The following KCNS3 variants were observed in gnomAD, a reference collection of about 807,000 sequenced individuals.
KCNS3 encodes potassium voltage-gated channel modifier subfamily S member 3.
Under a neutral mutation model 31.0 loss-of-function variants are expected in KCNS3, and 13 were observed. The ratio of observed to expected loss-of-function variants is 0.42; its 90% CI spans 0.27 to 0.67. The LOEUF is 0.67. Among genes scored for constraint, KCNS3 ranks in the 30% least tolerant of loss-of-function variants. The pLI, the probability that KCNS3 is intolerant of heterozygous loss-of-function variation, is 0.25. For missense variants in KCNS3, 545 were observed against 622.4 expected (o/e 0.88, Z 1.32); for synonymous variants, 238 against 241.5 (o/e 0.99, Z 0.13).
intron 1 of KCNS3, among the ~76,000 whole-genome samples, chr2:17,880,089 A>T: frequency 6.6e-6 from 1 of 151,996 alleles, no homozygotes; most frequent in South Asian, 2.1e-4. Flanking sequence ...TGTGTAAGTC[A>T]CTCCTAGTTG....
intron 1 of KCNS3, among the ~76,000 whole-genome samples, chr2:17,885,925 A>T (rs1250440741): frequency 6.6e-6 from 1 of 152,234 alleles, no homozygotes; most frequent in Admixed American, 6.5e-5. Context: ...CTGATGGGGC[A>T]TTAAAGAAGG....
At chr2:17,914,705 C>T (rs1662549595) in intron 1 of KCNS3, among the ~76,000 whole-genome samples, 1 of 152,226 alleles carries the variant, frequency 6.6e-6, no homozygotes, top group Admixed American at 6.5e-5. Flanking sequence ...CTGTCCCTAA[C>T]TGGAGGCTTT....
At chr2:17,929,302 A>G (rs992946384) in intron 2 of KCNS3, among the ~76,000 whole-genome samples, 1 of 152,228 alleles carries the variant, frequency 6.6e-6, no homozygotes, top group Non-Finnish European at 1.5e-5. Flanking sequence ...CAGGCTGTAC[A>G]GGAGGCATGG....
intron 1 of KCNS3, among the ~76,000 whole-genome samples, chr2:17,912,050 C>G (rs1206888538): frequency 6.6e-6 from 1 of 152,158 alleles, no homozygotes; most frequent in African/African-American, 2.4e-5. Flanking sequence ...ATGGCTACCC[C>G]CAGTCTATTT....
intron 1 of KCNS3, among the ~76,000 whole-genome samples, chr2:17,907,414 A>G (rs1259274486): frequency 6.6e-6 from 1 of 152,112 alleles, no homozygotes; most frequent in African/African-American, 2.4e-5. Context: ...TCTTTGTCCA[A>G]TTTGCCAGTC....
At chr2:17,900,867 T>TAATAAC (rs1275049798) in intron 1 of KCNS3, among the ~76,000 whole-genome samples, 1 of 152,230 alleles carries the variant, frequency 6.6e-6, no homozygotes, top group Non-Finnish European at 1.5e-5. Context: ...GGAATAATAA[T>TAATAAC]AATAACAATT....
chr2:17,887,737 A>G (rs1661712792), intron 1 of KCNS3, among the ~76,000 whole-genome samples: 1 of 152,138 alleles, frequency 6.6e-6, no homozygotes, highest in South Asian at 2.1e-4. Context: ...TTAGTTCTTT[A>G]AGGAATCTCC....
chr2:17,925,247 A>G (rs1446502643), intron 2 of KCNS3, among the ~76,000 whole-genome samples: 1 of 152,180 alleles, frequency 6.6e-6, no homozygotes, highest in Non-Finnish European at 1.5e-5. Context: ...AATTCAGGAA[A>G]AGCTTACCAG....
chr2:17,881,867 G>A (rs914285629), intron 1 of KCNS3, among the ~76,000 whole-genome samples: 1 of 152,184 alleles, frequency 6.6e-6, no homozygotes, highest in Non-Finnish European at 1.5e-5. Flanking sequence ...GACTGCGTTA[G>A]CAAAATATTA....
chr2:17,901,550 T>C (rs1662173685), intron 1 of KCNS3, among the ~76,000 whole-genome samples: 1 of 152,138 alleles, frequency 6.6e-6, no homozygotes, highest in South Asian at 2.1e-4. Flanking sequence ...AGGACACATC[T>C]GGTAGGCAGC....
intron 1 of KCNS3, among the ~76,000 whole-genome samples, chr2:17,907,221 CT>C (rs1256261020): frequency 6.6e-6 from 1 of 152,192 alleles, no homozygotes; most frequent in Non-Finnish European, 1.5e-5. Flanking sequence ...TAATGGCCTT[CT>C]TTGTCTCTTT....
At position 17,931,940 on chromosome 2, in the gene KCNS3, G is replaced by A. The variant is rs749686704; in HGVS notation, c.932G>A (p.Arg311Gln). Residue 311 changes from arginine to glutamine, a missense_variant, in exon 3 of 3, where the codon CGG becomes CAG. By Grantham distance (43) the Arg-to-Gln change is conservative. Coordinates refer to ENST00000304101, the MANE Select transcript of KCNS3 (RefSeq NM_002252.5). The surrounding 1 kb of genome is among the most constrained non-coding windows in gnomAD (Gnocchi z 5.4). The stretch of plus-strand genomic sequence containing the variant: ...CTTGCCCGGCACTCGGTAGGACTTC[G>A]GTCTCTAGGTGCCACACTGAGACAC... ...LKLARHSVGL[R>Q]SLGATLRHSY... 2.0e-5 allele frequency: 32 copies of A among 1,613,898 alleles called. No individual in the cohort carries two copies. Among genetic ancestry groups the A allele is most frequent in the Admixed American group, 5.0e-5 (3 of 59,986 alleles).
intron 1 of KCNS3, among the ~76,000 whole-genome samples, chr2:17,895,916 G>A (rs1279784363): frequency 6.6e-6 from 1 of 152,130 alleles, no homozygotes; most frequent in African/African-American, 2.4e-5. Flanking sequence ...GAGGTATGAG[G>A]TATATTGGTG....
At chr2:17,904,765 G>A (rs1342625898) in intron 1 of KCNS3, among the ~76,000 whole-genome samples, 5 of 152,172 alleles carry the variant, frequency 3.3e-5, no homozygotes, top group Non-Finnish European at 7.3e-5. Flanking sequence ...AGATCAGATG[G>A]TCGTAGATGT....
upstream of KCNS3, chr2:17,878,553 G>A (rs1448465244): frequency 6.7e-6 from 1 of 150,296 alleles, no homozygotes; most frequent in East Asian, 2.0e-4. Flanking sequence ...AGGGGCTGGC[G>A]GAGCTGCGAC....
At chr2:17,929,694 T>C (rs573049058) in intron 2 of KCNS3, among the ~76,000 whole-genome samples, 1 of 152,346 alleles carries the variant, frequency 6.6e-6, no homozygotes, top group Admixed American at 6.5e-5. Context: ...ATCCCAAAGA[T>C]GCTTGACTGA....
intron 2 of KCNS3, among the ~76,000 whole-genome samples, chr2:17,923,081 C>A (rs1662757025): frequency 6.6e-6 from 1 of 152,122 alleles, no homozygotes; most frequent in South Asian, 2.1e-4. Flanking sequence ...ACAAGGGTTC[C>A]ACTTTCTCCA....
At position 17,931,601 on chromosome 2, in the gene KCNS3, C is replaced by CCGG. The variant is rs756539332; in HGVS notation, c.594_595insGGC (p.Ser198_Ile199insGly). On this transcript the variant is annotated inframe_insertion, in exon 3 of 3. Transcript: ENST00000304101. This position sits in a 1 kb window ranked among gnomAD's most constrained non-coding sequence, Gnocchi z 5.4. ...TCCTCCTTGAGCGTGGTGCTGGCCT[C>CCGG]CATCGTGGCCATGTGCGTTCACAGC... The CCGG allele has an allele frequency of 6.2e-7, 1 of 1,614,192 alleles. No homozygotes were observed. Among genetic ancestry groups the CCGG allele is most frequent in the Non-Finnish European group, 8.5e-7 (1 of 1,180,032 alleles).
At chr2:17,908,089 A>G (rs938408442) in intron 1 of KCNS3, among the ~76,000 whole-genome samples, 16 of 152,178 alleles carry the variant, frequency 1.1e-4, no homozygotes, top group African/African-American at 3.6e-4. Context: ...CGTCACTTTT[A>G]GGTACACCAA....
Sources: gnomAD v4.1 joint callset for allele counts (sites outside exome capture counted in the v4.1 genomes callset) on GRCh38, gnomAD v4.1.1 for gene constraint, Gnocchi (gnomAD v3.1) non-coding constraint, MANE v1.5 for transcripts, NCBI Gene and HGNC (gene_info 2026-07-23, HGNC 2026-07-21) for gene names.